The following PTPRN2 variants were observed in gnomAD, a reference collection of about 807,000 sequenced individuals.
PTPRN2 encodes receptor-type tyrosine-protein phosphatase N2.
Under a neutral mutation model 118.8 loss-of-function variants are expected in PTPRN2, and 74 were observed. The ratio of observed to expected loss-of-function variants is 0.62; its 90% CI spans 0.52 to 0.76. The LOEUF is 0.76. Among genes scored for constraint, PTPRN2 ranks in the 30% least tolerant of loss-of-function variants. The pLI is 0.00. For missense variants in PTPRN2, 1,481 were observed against 1,394.4 expected, an observed-to-expected ratio of 1.06 and a Z score of -0.99; for synonymous variants, 641 against 608.0, an observed-to-expected ratio of 1.05 and a Z score of -0.80.
In PTPRN2 at chr7:157,840,420, G is replaced by A. The variant is rs957598658; in HGVS notation, c.1788+58253C>T. Among the ~76,000 whole-genome samples the A allele has an allele frequency of 2.8e-4, 40 of 140,422 alleles. 1 individual carries two copies. The highest frequency in any genetic ancestry group is 1.1e-3 in the African/African-American group (40 of 37,592). 92.1% of individuals were successfully genotyped at this position (140,422 alleles called of 152,430 possible). A position where few individuals can be genotyped will look rare whatever the true frequency, so the allele number is the denominator to read the frequency against. ...TGTGACCGTGTGTGACTGTGTGACT[G>A]TGTGTGACTGTGTGACCGCGTGTGA... On this transcript the variant is annotated intron_variant, in intron 12 of 22. Coordinates refer to ENST00000389418, the MANE Select transcript of PTPRN2 (RefSeq NM_002847.5).
chr7:158,586,899 A>G (rs1000537292), intron 1 of PTPRN2, among the ~76,000 whole-genome samples: 2 of 151,984 alleles, frequency 1.3e-5, no homozygotes, highest in African/African-American at 4.8e-5. Context: ...GGGAGTGCCG[A>G]GTGGCGGGGC....
At chr7:158,351,309 C>T (rs2151265596) in intron 2 of PTPRN2, among the ~76,000 whole-genome samples, 1 of 152,240 alleles carries the variant, frequency 6.6e-6, no homozygotes, top group African/African-American at 2.4e-5. Context: ...CAGCTCCCTC[C>T]TACTGCACCC....
chr7:158,184,936 A>T (rs1473580331), intron 5 of PTPRN2, among the ~76,000 whole-genome samples: 4 of 152,156 alleles, frequency 2.6e-5, no homozygotes, highest in African/African-American at 9.7e-5. Flanking sequence ...GTAATCTTAG[A>T]TGTAGGTTTC....
At chr7:157,740,089 C>T (rs1425362832) in intron 12 of PTPRN2, among the ~76,000 whole-genome samples, 2 of 152,188 alleles carry the variant, frequency 1.3e-5, no homozygotes, top group East Asian at 1.9e-4. Flanking sequence ...ATTGCTGATT[C>T]GGCCAGCAGG....
rs545040486 is a variant in PTPRN2 at position 158,526,309 on chromosome 7, G to A, written c.113-36524C>T. Among the ~76,000 whole-genome samples, 5 of 152,256 alleles carry A rather than the reference G, an allele frequency of 3.3e-5. No homozygotes were observed. The highest frequency in any genetic ancestry group is 4.1e-4 in the South Asian group (2 of 4,822). On this transcript the variant is annotated intron_variant, in intron 1 of 22. Coordinates refer to ENST00000389418, the MANE Select transcript of PTPRN2 (RefSeq NM_002847.5). This position sits in a 1 kb window ranked among gnomAD's most constrained non-coding sequence, Gnocchi z 5.2. ...AAGGGAACTGACACCACTCCTTCCCGGTGAGCTCGGCAGGGCTGCATCTCT... is the reference window on the plus strand; with the variant it reads ...AAGGGAACTGACACCACTCCTTCCCAGTGAGCTCGGCAGGGCTGCATCTCT...
intron 17 of PTPRN2, among the ~76,000 whole-genome samples, chr7:157,588,455 T>A (rs1392932756): frequency 1.3e-5 from 2 of 152,120 alleles, no homozygotes; most frequent in African/African-American, 4.8e-5. Context: ...GGCTTCTCTG[T>A]GATCCAGCTA....
chr7:158,447,414 A>G (rs1180545429), intron 2 of PTPRN2, among the ~76,000 whole-genome samples: 2 of 152,136 alleles, frequency 1.3e-5, no homozygotes, highest in African/African-American at 4.8e-5. Context: ...TAACCACTAC[A>G]GAGCACAAGA....
intron 12 of PTPRN2, among the ~76,000 whole-genome samples, chr7:157,750,736 T>C (rs569205378): frequency 3.7e-4 from 57 of 152,324 alleles, no homozygotes; most frequent in African/African-American, 1.3e-3. Context: ...CAGTGAGCTG[T>C]TGAGAGAGAA....
intron 11 of PTPRN2, among the ~76,000 whole-genome samples, chr7:158,051,980 A>G (rs937645651): frequency 1.3e-5 from 2 of 152,170 alleles, no homozygotes; most frequent in East Asian, 3.9e-4. Flanking sequence ...GAATGAATAT[A>G]GACATTTGTC....
chr7:158,066,384 A>G (rs1271241730), intron 11 of PTPRN2, among the ~76,000 whole-genome samples: 1 of 152,176 alleles, frequency 6.6e-6, no homozygotes, highest in South Asian at 2.1e-4. Flanking sequence ...AGGCACACTG[A>G]CCTGCAGCAT....
intron 3 of PTPRN2, among the ~76,000 whole-genome samples, chr7:158,293,858 G>A (rs1006392409): frequency 6.6e-6 from 1 of 152,126 alleles, no homozygotes; most frequent in Non-Finnish European, 1.5e-5. Flanking sequence ...TTGTCCCACA[G>A]GAAGGTCTTC....
At chr7:157,722,786 G>A (rs750574948) in intron 12 of PTPRN2, among the ~76,000 whole-genome samples, 1 of 152,050 alleles carries the variant, frequency 6.6e-6, no homozygotes, top group Non-Finnish European at 1.5e-5. Flanking sequence ...CTGTCATCCA[G>A]AGAGGCAAGG....
intron 2 of PTPRN2, among the ~76,000 whole-genome samples, chr7:158,460,716 C>T (rs748338193): frequency 2.0e-5 from 3 of 152,242 alleles, no homozygotes; most frequent in African/African-American, 7.2e-5. Context: ...CTGTCCTGCA[C>T]GGTCCCATGG....
In PTPRN2 at chr7:157,619,487, GC is replaced by G. The variant is rs1563270165; in HGVS notation, c.2344+1874del. Among the ~76,000 whole-genome samples, 1 of 152,156 alleles carries G rather than the reference GC, an allele frequency of 6.6e-6. No individual in the cohort carries two copies. The highest frequency in any genetic ancestry group is 2.4e-5 in the African/African-American group (1 of 41,436). On this transcript the variant is annotated intron_variant, in intron 15 of 22. Transcript: ENST00000389418. This position sits in a 1 kb window ranked among gnomAD's most constrained non-coding sequence, Gnocchi z 5.3. ...GCCAGGCCCCCAGAGCCTGTTAGTA[GC>G]CCCCGACACAGGGCCGGTGCTTAGT...
Position 157,621,330 on chromosome 7 carries a change from C to T in PTPRN2, c.2344+32G>A, listed in dbSNP as rs555317585. ...ACGGCCAGTTTCCACCGCCCGTAAC[C>T]CAGGCTTCCTGCCCCCGGGGCTGGT... On this transcript the variant is annotated intron_variant, in intron 15 of 22. Coordinates refer to ENST00000389418, the MANE Select transcript of PTPRN2 (RefSeq NM_002847.5). 5.1e-5 allele frequency: 82 copies of T among 1,601,432 alleles called. No homozygotes were observed. The South Asian group carries it at 8.8e-4, about 17-fold the overall frequency.
chr7:158,171,068 TTA>T lies in PTPRN2; in HGVS notation c.550-3779_550-3778del, dbSNP rs1554571356. Among the ~76,000 whole-genome samples the T allele has an allele frequency of 2.9e-5, 2 of 69,136 alleles. 1 individual carries two copies. Among genetic ancestry groups the T allele is most frequent in the African/African-American group, 1.0e-4 (2 of 19,316 alleles). 45.4% of individuals were successfully genotyped at this position (69,136 alleles called of 152,430 possible). A position where few individuals can be genotyped will look rare whatever the true frequency, so the allele number is the denominator to read the frequency against. ...ACATATATATACACATATATACACA[TTA>T]TATACACATATATATACACACATAT... On this transcript the variant is annotated intron_variant, in intron 5 of 22. Transcript: ENST00000389418.
intron 6 of PTPRN2, 37 bp from the exon 7 acceptor site, chr7:158,138,552 T>C: frequency 6.3e-7 from 1 of 1,586,372 alleles, no homozygotes; most frequent in Non-Finnish European, 8.6e-7. Flanking sequence ...ACGTTGTGGG[T>C]GGACGAATGC....
intron 11 of PTPRN2, among the ~76,000 whole-genome samples, chr7:157,994,461 G>A (rs73169728): frequency 0.12 from 17,913 of 144,194 alleles, 1,385 homozygotes; most frequent in Non-Finnish European, 0.19. Context: ...CTGAGGCAGC[G>A]TTAGAGCGAG....
intron 1 of PTPRN2, among the ~76,000 whole-genome samples, chr7:158,496,150 C>T (rs936211807): frequency 1.3e-5 from 2 of 151,840 alleles, no homozygotes; most frequent in African/African-American, 4.8e-5. Flanking sequence ...GGACTGACTG[C>T]TTCCCTGAAA....
Sources: allele counts gnomAD v4.1 joint callset (sites outside exome capture counted in the v4.1 genomes callset), GRCh38; gene constraint gnomAD v4.1.1; non-coding constraint Gnocchi (gnomAD v3.1); transcripts MANE v1.5; gene names NCBI Gene and HGNC (gene_info 2026-07-23, HGNC 2026-07-21).